PDE4D: variants seen among roughly 807,000 people sequenced by gnomAD.
PDE4D encodes the protein phosphodiesterase 4D, also known as 3',5'-cyclic-AMP phosphodiesterase 4D.
A neutral mutation model predicts 87.4 loss-of-function variants in PDE4D; 24 were observed. The ratio of observed to expected loss-of-function variants is 0.27; its 90% CI spans 0.20 to 0.39. The LOEUF (loss-of-function observed/expected upper bound fraction) is 0.39. Among genes scored for constraint, PDE4D ranks in the 10% least tolerant of loss-of-function variants. The pLI, the probability that PDE4D is intolerant of heterozygous loss-of-function variation, is 1.00. For synonymous variants in PDE4D, 384 were observed against 383.2 expected (o/e 1.00, Z -0.02); for missense variants, 714 against 1,041.0 (o/e 0.69, Z 4.32).
At chr5:60,507,906 CT>C (rs1750395177) in intron 1 of PDE4D, among the ~76,000 whole-genome samples, 1 of 152,208 alleles carries the variant, frequency 6.6e-6, no homozygotes, top group Non-Finnish European at 1.5e-5. Flanking sequence ...TTATAAACAT[CT>C]GACCTAAGTG....
intron 5 of PDE4D, among the ~76,000 whole-genome samples, chr5:59,121,089 A>C (rs1406453749): frequency 6.6e-6 from 1 of 152,224 alleles, no homozygotes; most frequent in African/African-American, 2.4e-5. Context: ...CTTAAACATA[A>C]AACTGCTAGA....
At chr5:60,458,711 G>C (rs192832367) in intron 1 of PDE4D, among the ~76,000 whole-genome samples, 159 of 151,604 alleles carry the variant, frequency 1.0e-3, no homozygotes, top group Non-Finnish European at 1.9e-3. Context: ...GAGAGACGTG[G>C]TAGTGAGCAG....
chr5:59,757,040 C>T (rs1761350016), intron 1 of PDE4D, among the ~76,000 whole-genome samples: 1 of 152,050 alleles, frequency 6.6e-6, no homozygotes, highest in African/African-American at 2.4e-5. Flanking sequence ...TCAAGTGATC[C>T]ACGTGCCTCA....
chr5:60,159,346 CAAT>C (rs1348498851), intron 2 of PDE4D, among the ~76,000 whole-genome samples: 13 of 151,966 alleles, frequency 8.6e-5, no homozygotes, highest in African/African-American at 3.1e-4. Flanking sequence ...CACACTAAAA[CAAT>C]GATTAAAAAG....
intron 1 of PDE4D, among the ~76,000 whole-genome samples, chr5:59,632,802 A>G (rs926884996): frequency 6.6e-6 from 1 of 152,220 alleles, no homozygotes; most frequent in Non-Finnish European, 1.5e-5. Context: ...AAGGATGGAA[A>G]TTCCAAAAAA....
intron 1 of PDE4D, among the ~76,000 whole-genome samples, chr5:60,339,380 G>C (rs1317095959): frequency 6.6e-6 from 1 of 152,110 alleles, no homozygotes; most frequent in Admixed American, 6.5e-5. Flanking sequence ...CTCCAGGCGA[G>C]TCACATGGAC....
In PDE4D at chr5:60,236,763, G is replaced by A. The variant is rs543518880; in HGVS notation, c.-89-51076C>T. 2.6e-5 allele frequency among the ~76,000 whole-genome samples: 4 copies of A among 152,018 alleles called. No individual in the cohort carries two copies. The South Asian group carries it at 8.3e-4, about 32-fold the overall frequency. ...GACTGAACCCACAAATGCTGGATTTGAAGACAGAGGAAGGGGAGCCATGAG... is the reference window on the plus strand; with the variant it reads ...GACTGAACCCACAAATGCTGGATTTAAAGACAGAGGAAGGGGAGCCATGAG... On this transcript the variant is annotated intron_variant, in intron 1 of 16. Coordinates refer to the PDE4D transcript ENST00000502484.
chr5:59,068,443 T>C (rs183759622), intron 5 of PDE4D, among the ~76,000 whole-genome samples: 2 of 152,288 alleles, frequency 1.3e-5, no homozygotes, highest in East Asian at 1.9e-4. Context: ...AATTCCTATA[T>C]GGCAGACACT....
At chr5:59,975,429 T>C (rs1206705544) in intron 3 of PDE4D, among the ~76,000 whole-genome samples, 1 of 152,244 alleles carries the variant, frequency 6.6e-6, no homozygotes, top group Non-Finnish European at 1.5e-5. Context: ...GTTATTCTAA[T>C]TCACCTGTTT....
At chr5:59,898,353 C>G (rs564306397), upstream of PDE4D, among the ~76,000 whole-genome samples, 2 of 152,290 alleles carry the variant, frequency 1.3e-5, no homozygotes, top group African/African-American at 4.8e-5. Flanking sequence ...TTACTATCCT[C>G]AAGGAGTTTT....
At chr5:60,026,393 T>C (rs920158787) in intron 2 of PDE4D, among the ~76,000 whole-genome samples, 1 of 152,158 alleles carries the variant, frequency 6.6e-6, no homozygotes, top group Non-Finnish European at 1.5e-5. Flanking sequence ...CTTCCATTTA[T>C]GATTCTGGCC....
intron 1 of PDE4D, among the ~76,000 whole-genome samples, chr5:59,642,440 T>C (rs1282751478): frequency 6.6e-6 from 1 of 152,184 alleles, no homozygotes; most frequent in Non-Finnish European, 1.5e-5. Flanking sequence ...CTCCCATAAT[T>C]TCCATGTGTT....
intron 1 of PDE4D, among the ~76,000 whole-genome samples, chr5:59,243,285 A>T (rs915604950): frequency 2.0e-5 from 3 of 151,992 alleles, no homozygotes; most frequent in African/African-American, 7.2e-5. Flanking sequence ...AGATTTTTGT[A>T]TTTGTCTCTC....
At chr5:60,451,849 A>T (rs1380065217) in intron 1 of PDE4D, among the ~76,000 whole-genome samples, 1 of 152,078 alleles carries the variant, frequency 6.6e-6, no homozygotes, top group Non-Finnish European at 1.5e-5. Context: ...ATCTTTACTG[A>T]CCAGAATGCC....
intron 1 of PDE4D, among the ~76,000 whole-genome samples, chr5:59,317,400 T>C (rs1445869263): frequency 3.9e-5 from 6 of 152,140 alleles, no homozygotes; most frequent in African/African-American, 1.2e-4. Context: ...ACTAACACAT[T>C]GCTGCACTTA....
chr5:59,964,287 A>G (rs1471030768), intron 3 of PDE4D, among the ~76,000 whole-genome samples: 1 of 152,200 alleles, frequency 6.6e-6, no homozygotes, highest in Non-Finnish European at 1.5e-5. Context: ...TTTAAATAAA[A>G]TTAACCAATA....
At chr5:59,864,032 T>C (rs1004664997) in intron 1 of PDE4D, among the ~76,000 whole-genome samples, 1 of 152,174 alleles carries the variant, frequency 6.6e-6, no homozygotes, top group Non-Finnish European at 1.5e-5. Context: ...TCTTCTGAGC[T>C]GGCAGGGAGC....
intron 1 of PDE4D, among the ~76,000 whole-genome samples, chr5:60,480,898 G>T (rs1411850211): frequency 6.6e-6 from 1 of 152,102 alleles, no homozygotes; most frequent in Admixed American, 6.6e-5. Flanking sequence ...GTCAGATTGA[G>T]GATATTTTAC....
chr5:59,360,794 A>T (rs1430333859), intron 1 of PDE4D, among the ~76,000 whole-genome samples: 1 of 152,130 alleles, frequency 6.6e-6, no homozygotes, highest in African/African-American at 2.4e-5. Context: ...GCAACAGTAA[A>T]ACATTAACAG....
Sources: gnomAD v4.1 joint callset for allele counts (sites outside exome capture counted in the v4.1 genomes callset) on GRCh38, gnomAD v4.1.1 for gene constraint, MANE v1.5 for transcripts, NCBI Gene and HGNC (gene_info 2026-07-23, HGNC 2026-07-21) for gene names.